Variants in DYNC2I1 observed in about 807,000 individuals in gnomAD.
The protein encoded by DYNC2I1 is dynein 2 intermediate chain 1.
Under a neutral mutation model 133.4 loss-of-function variants are expected in DYNC2I1, and 89 were observed. The ratio of observed to expected loss-of-function variants is 0.67; its 90% CI spans 0.56 to 0.80. The LOEUF is 0.80. DYNC2I1 is among the 30% of genes least tolerant of loss of function. DYNC2I1 has a pLI of 0.00. For synonymous variants in DYNC2I1, 504 were observed against 484.3 expected, an observed-to-expected ratio of 1.04 and a Z score of -0.54; for missense variants, 1,291 against 1,314.5, an observed-to-expected ratio of 0.98 and a Z score of 0.28.
intron 8 of DYNC2I1, among the ~76,000 whole-genome samples, chr7:158,894,039 C>G (rs1053206570): frequency 6.6e-6 from 1 of 152,014 alleles, no homozygotes; most frequent in African/African-American, 2.4e-5. Context: ...ACATATCATA[C>G]CACATATTGT....
chr7:158,940,901 ATG>A (rs1349270499), intron 23 of DYNC2I1, among the ~76,000 whole-genome samples: 4 of 152,218 alleles, frequency 2.6e-5, no homozygotes, highest in African/African-American at 9.6e-5. Flanking sequence ...CAAATAAACA[ATG>A]TAACAATGCA....
intron 23 of DYNC2I1, among the ~76,000 whole-genome samples, chr7:158,939,988 A>G (rs997437370): frequency 3.3e-5 from 5 of 152,216 alleles, no homozygotes; most frequent in African/African-American, 1.2e-4. Flanking sequence ...GCTCCCAAGT[A>G]TAGAAAGCAA....
chr7:158,887,507 TTAATAA>T (rs925579854), intron 7 of DYNC2I1, among the ~76,000 whole-genome samples: 3 of 152,020 alleles, frequency 2.0e-5, no homozygotes, highest in Non-Finnish European at 2.9e-5. Context: ...AAAGAGACAA[TTAATAA>T]TAATAGTAAC....
intron 3 of DYNC2I1, among the ~76,000 whole-genome samples, chr7:158,876,322 C>T (rs187073273): frequency 6.6e-6 from 1 of 152,240 alleles, no homozygotes; most frequent in East Asian, 1.9e-4. Context: ...CACCTCCCAC[C>T]AGGTCCCACC....
Position 158,906,024 on chromosome 7 carries a change from G to A in DYNC2I1, c.1393G>A (p.Gly465Arg), listed in dbSNP as rs749949210. 8 of 1,613,800 alleles carry A rather than the reference G, an allele frequency of 5.0e-6. No individual in the cohort carries two copies. The South Asian group carries it at 5.5e-5, about 11-fold the overall frequency. The change falls in exon 11 of 25, where the codon GGA becomes AGA. Residue 465 changes from glycine (G) to arginine (R), a missense_variant. Transcript: ENST00000407559. ...NSSPSRASVC[G>R]IFVDFASASH... ...TTCCCCTTCCAGAGCCTCTGTTTGT[G>A]GAATTTTTGTGGATTTTGCCTCAGC...
chr7:158,926,071 GGA>G (rs2129486977), intron 17 of DYNC2I1, 114 bp from the exon 18 acceptor site: 1 of 769,290 alleles, frequency 1.3e-6, no homozygotes, highest in Non-Finnish European at 2.2e-6. Flanking sequence ...GAAGATGTGT[GGA>G]GAGAGTTGGA....
At chr7:158,921,823 C>G (rs1585179394) in intron 15 of DYNC2I1, among the ~76,000 whole-genome samples, 1 of 152,220 alleles carries the variant, frequency 6.6e-6, no homozygotes, top group East Asian at 1.9e-4. Flanking sequence ...CCTCCTGTTT[C>G]ACGAGCTCCA....
rs144967677 is a variant in DYNC2I1, at chr7:158,868,379, A to T, written c.16-1476A>T. Among the ~76,000 whole-genome samples the T allele has an allele frequency of 4.3e-3, 656 of 152,314 alleles. 5 individuals are homozygous for T. The highest frequency in any genetic ancestry group is 0.015 in the African/African-American group (631 of 41,564). Reference sequence around the variant, plus strand: ...GCAGTGCTGGGTGACACAGAGGACTAAGATAGGCCTTCCTTTCCGGAAGGT... The same window carrying T: ...GCAGTGCTGGGTGACACAGAGGACTTAGATAGGCCTTCCTTTCCGGAAGGT... On this transcript the variant is annotated intron_variant, in intron 1 of 24. Coordinates refer to ENST00000407559, the MANE Select transcript of DYNC2I1 (RefSeq NM_018051.5).
At chr7:158,954,179 A>G (rs1163879812) in intron 4 of DYNC2I1, among the ~76,000 whole-genome samples, 1 of 152,168 alleles carries the variant, frequency 6.6e-6, no homozygotes, top group Non-Finnish European at 1.5e-5. Context: ...GCCTTTGGCC[A>G]TGATTGTGAG....
intron 3 of DYNC2I1, among the ~76,000 whole-genome samples, chr7:158,873,699 C>G (rs1484834079): frequency 6.6e-6 from 1 of 152,028 alleles, no homozygotes; most frequent in Non-Finnish European, 1.5e-5. Context: ...TGATCACAGC[C>G]CACCACAGCC....
chr7:158,941,783 CAGG>C, intron 23 of DYNC2I1, 139 bp from the exon 24 acceptor site: 1 of 870,146 alleles, frequency 1.1e-6, no homozygotes, highest in South Asian at 1.6e-5. Flanking sequence ...GAGGCCGAGG[CAGG>C]AGGATTGATT....
At chr7:158,861,993 A>C (rs1841903622) in intron 1 of DYNC2I1, among the ~76,000 whole-genome samples, 1 of 152,226 alleles carries the variant, frequency 6.6e-6, no homozygotes, top group Non-Finnish European at 1.5e-5. Flanking sequence ...TGGAAAAAAA[A>C]TGAGGACAGC....
chr7:158,947,825 C>T (rs1851935179), downstream of DYNC2I1, among the ~76,000 whole-genome samples: 1 of 152,242 alleles, frequency 6.6e-6, no homozygotes, highest in African/African-American at 2.4e-5. Context: ...CCGTGTCTGA[C>T]GCGCTGCCTC....
chr7:158,875,984 G>A (rs1843320649), intron 3 of DYNC2I1, among the ~76,000 whole-genome samples: 1 of 152,238 alleles, frequency 6.6e-6, no homozygotes, highest in East Asian at 1.9e-4. Flanking sequence ...CAAACTGAGT[G>A]AGGCAAGAAA....
At chr7:158,855,504 T>A (rs1402326828), upstream of DYNC2I1, among the ~76,000 whole-genome samples, 1 of 152,240 alleles carries the variant, frequency 6.6e-6, no homozygotes, top group Non-Finnish European at 1.5e-5. Context: ...ATTTCTAATC[T>A]TGTGGCTAAC....
At chr7:158,859,024 C>T (rs1432119127) in intron 1 of DYNC2I1, among the ~76,000 whole-genome samples, 2 of 126,078 alleles carry the variant, frequency 1.6e-5, no homozygotes, top group African/African-American at 6.2e-5. Context: ...TCTTCAGAGT[C>T]TTGCTCTTTC....
intron 17 of DYNC2I1, among the ~76,000 whole-genome samples, chr7:158,924,536 C>G (rs1849420986): frequency 1.3e-5 from 2 of 152,126 alleles, no homozygotes; most frequent in South Asian, 4.1e-4. Flanking sequence ...GAATTGTGCC[C>G]CTCTGTGTGG....
chr7:158,952,058 G>A (rs1254557168), intron 4 of DYNC2I1, among the ~76,000 whole-genome samples: 2 of 152,198 alleles, frequency 1.3e-5, no homozygotes, highest in Admixed American at 6.5e-5. Flanking sequence ...CATGGGGCCC[G>A]AAGCCATGGT....
chr7:158,896,587 CT>C (rs1845780959), intron 8 of DYNC2I1, among the ~76,000 whole-genome samples: 1 of 152,146 alleles, frequency 6.6e-6, no homozygotes, highest in African/African-American at 2.4e-5. Context: ...TCTTAACCAC[CT>C]TAGCCTCCTG....
Sources: gnomAD v4.1 joint callset for allele counts (sites outside exome capture counted in the v4.1 genomes callset) on GRCh38, gnomAD v4.1.1 for gene constraint, MANE v1.5 for transcripts, NCBI Gene and HGNC (gene_info 2026-07-23, HGNC 2026-07-21) for gene names.